CDKAL1: variants seen among roughly 807,000 people sequenced by gnomAD.
The protein encoded by CDKAL1 is threonylcarbamoyladenosine tRNA methylthiotransferase.
CDKAL1 carries 32 observed loss-of-function variants against 68.2 expected under a neutral mutation model. That is an observed-to-expected ratio of 0.47 (90% confidence interval 0.35 to 0.63). The LOEUF (loss-of-function observed/expected upper bound fraction) is 0.63. CDKAL1 is among the 30% of genes least tolerant of loss of function. CDKAL1 has a pLI of 0.00. For synonymous variants in CDKAL1, 234 were observed against 244.3 expected, an observed-to-expected ratio of 0.96 and a Z score of 0.39; for missense variants, 606 against 696.7, an observed-to-expected ratio of 0.87 and a Z score of 1.47.
At chr6:21,083,688 C>T (rs969756801) in intron 12 of CDKAL1, among the ~76,000 whole-genome samples, 33 of 152,096 alleles carry the variant, frequency 2.2e-4, no homozygotes, top group Non-Finnish European at 4.1e-4. Context: ...ATTGCTTTCC[C>T]AATAGAGGAG....
intron 9 of CDKAL1, among the ~76,000 whole-genome samples, chr6:20,888,017 G>A (rs934682407): frequency 2.6e-5 from 4 of 151,774 alleles, no homozygotes; most frequent in Non-Finnish European, 5.9e-5. Context: ...GGGTACATGT[G>A]CACAATGTGC....
At chr6:21,211,854 C>T (rs1352119004) in intron 15 of CDKAL1, among the ~76,000 whole-genome samples, 1 of 152,134 alleles carries the variant, frequency 6.6e-6, no homozygotes, top group East Asian at 1.9e-4. Context: ...ACTTCCCGGG[C>T]TCAAGTGATC....
intron 4 of CDKAL1, among the ~76,000 whole-genome samples, chr6:20,631,761 C>T (rs1027911935): frequency 2.6e-5 from 4 of 152,106 alleles, no homozygotes; most frequent in African/African-American, 2.4e-5. Flanking sequence ...TCAGATGTTA[C>T]AGGACATGTC....
chr6:21,158,318 T>A (rs1273198901), intron 13 of CDKAL1, among the ~76,000 whole-genome samples: 23 of 152,206 alleles, frequency 1.5e-4, no homozygotes, highest in Admixed American at 1.5e-3. Flanking sequence ...AAGGTCCCAA[T>A]GCATCAAATT....
intron 8 of CDKAL1, among the ~76,000 whole-genome samples, chr6:20,787,010 T>C (rs1255854067): frequency 2.6e-5 from 4 of 152,318 alleles, no homozygotes; most frequent in East Asian, 1.9e-4. Context: ...ACAGTTCTTA[T>C]ATAAATTATA....
intron 5 of CDKAL1, among the ~76,000 whole-genome samples, chr6:20,679,976 AT>A (rs1414136686): frequency 6.6e-6 from 1 of 151,038 alleles, no homozygotes; most frequent in African/African-American, 2.4e-5. Flanking sequence ...CTTTTTTAAA[AT>A]TTTTTTGCTG....
At chr6:20,844,362 C>T (rs1241699793) in intron 8 of CDKAL1, among the ~76,000 whole-genome samples, 3 of 152,056 alleles carry the variant, frequency 2.0e-5, no homozygotes, top group Admixed American at 6.6e-5. Flanking sequence ...AGATGTTTGG[C>T]GCTCAGTTCT....
chr6:20,877,019 G>T (rs1160203246), intron 9 of CDKAL1, among the ~76,000 whole-genome samples: 1 of 152,142 alleles, frequency 6.6e-6, no homozygotes, highest in Non-Finnish European at 1.5e-5. Flanking sequence ...AGTATGTGCT[G>T]TGTATTGGAA....
chr6:20,901,080 A>G (rs6456382), intron 9 of CDKAL1, among the ~76,000 whole-genome samples: 53,945 of 151,748 alleles, frequency 0.36, 10,033 homozygotes, highest in African/African-American at 0.48. Flanking sequence ...TGATTGTCTC[A>G]CTGGTGCTTG....
Position 20,938,857 on chromosome 6 carries a change from G to C in CDKAL1, c.743-16562G>C, listed in dbSNP as rs1386733761. 2.6e-5 allele frequency among the ~76,000 whole-genome samples: 4 copies of C among 151,792 alleles called. No individual in the cohort carries two copies. The East Asian group carries it at 7.7e-4, about 29-fold the overall frequency. On this transcript the variant is annotated intron_variant, in intron 9 of 15. Coordinates refer to ENST00000274695, the MANE Select transcript of CDKAL1 (RefSeq NM_017774.3). ...AGCATTTATGCTTTGTTTTCTGTTT[G>C]AAATACTGTGAAAACTTGAATACTT... is the stretch of plus-strand genomic sequence containing the variant.
At chr6:20,942,615 C>T (rs992460865) in intron 9 of CDKAL1, among the ~76,000 whole-genome samples, 4 of 149,508 alleles carry the variant, frequency 2.7e-5, no homozygotes, top group Admixed American at 6.6e-5. Context: ...GATCTGCCTG[C>T]CTTGGCCTCC....
intron 6 of CDKAL1, among the ~76,000 whole-genome samples, chr6:20,752,385 A>G (rs1475320198): frequency 1.3e-5 from 2 of 152,092 alleles, no homozygotes; most frequent in Non-Finnish European, 2.9e-5. Context: ...ACTATTTTAA[A>G]TTAGAGGATA....
At chr6:20,778,319 G>A (rs1258769379) in intron 7 of CDKAL1, among the ~76,000 whole-genome samples, 1 of 152,120 alleles carries the variant, frequency 6.6e-6, no homozygotes, top group Non-Finnish European at 1.5e-5. Flanking sequence ...ACTTTTCAAG[G>A]CACACCATTG....
At chr6:21,147,650 G>C (rs184283340) in intron 13 of CDKAL1, among the ~76,000 whole-genome samples, 1 of 152,178 alleles carries the variant, frequency 6.6e-6, no homozygotes, top group African/African-American at 2.4e-5. Flanking sequence ...AGCTAATTAT[G>C]GGTTGATTTC....
At chr6:20,774,146 T>A (rs1293047938) in intron 7 of CDKAL1, among the ~76,000 whole-genome samples, 4 of 152,086 alleles carry the variant, frequency 2.6e-5, no homozygotes, top group Non-Finnish European at 5.9e-5. Context: ...GCCTTTAAAA[T>A]TAGATGGAGT....
At chr6:20,797,475 G>A (rs1445555475) in intron 8 of CDKAL1, among the ~76,000 whole-genome samples, 2 of 152,170 alleles carry the variant, frequency 1.3e-5, no homozygotes, top group Admixed American at 1.3e-4. Context: ...ATCATATGAC[G>A]AACGTCCTAC....
At chr6:20,917,385 G>T (rs1161440032) in intron 9 of CDKAL1, among the ~76,000 whole-genome samples, 1 of 152,130 alleles carries the variant, frequency 6.6e-6, no homozygotes, top group Non-Finnish European at 1.5e-5. Flanking sequence ...AAAGGAGATG[G>T]TAGAAGCAAT....
chr6:21,210,284 A>G (rs1266737012), intron 15 of CDKAL1, among the ~76,000 whole-genome samples: 1 of 152,200 alleles, frequency 6.6e-6, no homozygotes, highest in Admixed American at 6.5e-5. Flanking sequence ...CCCAAAGTTC[A>G]GTGTTGAAAC....
intron 8 of CDKAL1, among the ~76,000 whole-genome samples, chr6:20,815,914 A>G (rs1005178894): frequency 6.6e-6 from 1 of 152,154 alleles, no homozygotes; most frequent in Admixed American, 6.6e-5. Context: ...AATAACAGAA[A>G]TTTATTCTCT....
Sources: gnomAD v4.1 joint callset for allele counts (sites outside exome capture counted in the v4.1 genomes callset) on GRCh38, gnomAD v4.1.1 for gene constraint, MANE v1.5 for transcripts, NCBI Gene and HGNC (gene_info 2026-07-23, HGNC 2026-07-21) for gene names.